KIF26B: variants seen among roughly 807,000 people sequenced by gnomAD.
KIF26B encodes the protein kinesin family member 26B.
A neutral mutation model predicts 151.2 loss-of-function variants in KIF26B; 63 were observed. The observed-to-expected ratio is 0.42, with a 90% CI of 0.34 to 0.51. The LOEUF (loss-of-function observed/expected upper bound fraction) is 0.51, where lower values mean the gene tolerates loss of function less well. Among genes scored for constraint, KIF26B ranks in the 20% least tolerant of loss-of-function variants. The probability of loss-of-function intolerance (pLI) is 0.07; values close to 1 mark genes in which losing one functional copy is unlikely to be tolerated. For synonymous variants in KIF26B, 1,357 were observed against 1,262.1 expected, an observed-to-expected ratio of 1.08 and a Z score of -1.59; for missense variants, 2,813 against 2,913.6, an observed-to-expected ratio of 0.97 and a Z score of 0.79.
At position 245,430,313 on chromosome 1, in the gene KIF26B, TA is replaced by T. The variant is rs547658074; in HGVS notation, c.1166+10570del. ...CTGGTCTACACTTCTACCACCACCC[TA>T]ATACAGTACCGCTATAATATGTTTC... On this transcript the variant is annotated intron_variant, in intron 4 of 14. Transcript: ENST00000407071. 5.9e-5 allele frequency among the ~76,000 whole-genome samples: 9 copies of T among 152,096 alleles called. No individual in the cohort carries two copies. In the East Asian group the frequency reaches 1.7e-3, roughly 29 times the overall value.
chr1:245,458,234 T>C (rs1659581010), intron 4 of KIF26B, among the ~76,000 whole-genome samples: 1 of 152,154 alleles, frequency 6.6e-6, no homozygotes, highest in Non-Finnish European at 1.5e-5. Flanking sequence ...TCTCAAGCCC[T>C]CTCTCTTAAC....
In KIF26B at chr1:245,702,480, GCTGGATTCCCTGGAGTAC is replaced by G. The variant is rs755447377; in HGVS notation, c.6207_6224del (p.Asp2069_Leu2074del). 5.0e-6 allele frequency: 8 copies of G among 1,613,982 alleles called. No homozygotes were observed. The South Asian group carries it at 6.6e-5, about 13-fold the overall frequency. On this transcript the variant is annotated inframe_deletion, in exon 15 of 15. Coordinates refer to ENST00000407071, the MANE Select transcript of KIF26B (RefSeq NM_018012.4). The surrounding 1 kb of genome is among the most constrained non-coding windows in gnomAD (Gnocchi z 4.1). ...CAGTTGACTTGGAGCAGGTTTGGGA[GCTGGATTCCCTGGAGTAC>G]CTGGAGGCACTGGAGTGTGTGACGG...
intron 2 of KIF26B, among the ~76,000 whole-genome samples, chr1:245,259,641 G>A (rs926176156): frequency 6.6e-6 from 1 of 151,984 alleles, no homozygotes; most frequent in African/African-American, 2.4e-5. Context: ...TAATGGACAG[G>A]GTGAGCTTGG....
chr1:245,555,253 G>A (rs1661990968), intron 5 of KIF26B, among the ~76,000 whole-genome samples: 1 of 152,012 alleles, frequency 6.6e-6, no homozygotes, highest in Admixed American at 6.6e-5. Flanking sequence ...ATAAAGAAGG[G>A]AATTCTTTTC....
intron 2 of KIF26B, among the ~76,000 whole-genome samples, chr1:245,223,621 T>C (rs1669816241): frequency 6.6e-6 from 1 of 152,204 alleles, no homozygotes. Context: ...TGCATATAAA[T>C]GGAATAACAA....
chr1:245,499,311 C>A (rs1660573014), intron 4 of KIF26B, among the ~76,000 whole-genome samples: 1 of 151,974 alleles, frequency 6.6e-6, no homozygotes. Context: ...CTAGGATTAA[C>A]CTAGGTTAAT....
rs141116342 is a variant in KIF26B at position 245,377,076 on chromosome 1, G to C, written c.999+9709G>C. On this transcript the variant is annotated intron_variant, in intron 3 of 14. Coordinates refer to ENST00000407071, the MANE Select transcript of KIF26B (RefSeq NM_018012.4). ...ATTACAGGCACGCATCACCACGCCT[G>C]GCTAATTTTTGTACTTTTAGTAGAG... Among the ~76,000 whole-genome samples the C allele has an allele frequency of 7.4e-5, 11 of 149,176 alleles. No homozygotes were observed. In the East Asian group the frequency reaches 2.2e-3, roughly 29 times the overall value.
intron 2 of KIF26B, among the ~76,000 whole-genome samples, chr1:245,314,398 G>A: frequency 6.6e-6 from 1 of 152,162 alleles, no homozygotes; most frequent in African/African-American, 2.4e-5. Context: ...GTTGCAGTGA[G>A]TCGAGATCGT....
At chr1:245,503,455 A>G (rs1367084806) in intron 4 of KIF26B, among the ~76,000 whole-genome samples, 2 of 152,200 alleles carry the variant, frequency 1.3e-5, no homozygotes, top group African/African-American at 2.4e-5. Context: ...CCTTTGTTCC[A>G]TACAGATCTA....
At position 245,350,366 on chromosome 1, in the gene KIF26B, T is replaced by G. The variant is rs547027229; in HGVS notation, c.466-16468T>G. ...AAGGACTCACCAAGCGGCAGGTCCT[T>G]ATGTAGCTCCACAGACCACCATGAA... On this transcript the variant is annotated intron_variant, in intron 2 of 14. Coordinates refer to ENST00000407071, the MANE Select transcript of KIF26B (RefSeq NM_018012.4). 2.0e-5 allele frequency among the ~76,000 whole-genome samples: 3 copies of G among 152,310 alleles called. 1 individual carries two copies. The highest frequency in any genetic ancestry group is 2.0e-4 in the Admixed American group (3 of 15,298).
intron 4 of KIF26B, among the ~76,000 whole-genome samples, chr1:245,537,847 A>G (rs1661520282): frequency 1.3e-5 from 2 of 152,234 alleles, no homozygotes. Flanking sequence ...ATACATAAAT[A>G]AGGATTTCCA....
intron 3 of KIF26B, among the ~76,000 whole-genome samples, chr1:245,394,722 C>T (rs76691465): frequency 2.6e-5 from 3 of 116,094 alleles, no homozygotes; most frequent in African/African-American, 7.9e-5. Context: ...TGGAGTTTCA[C>T]TCTTGTTGCC....
intron 2 of KIF26B, among the ~76,000 whole-genome samples, chr1:245,278,667 C>T (rs1235462947): frequency 6.6e-6 from 1 of 152,138 alleles, no homozygotes; most frequent in Non-Finnish European, 1.5e-5. Flanking sequence ...CTACTCCTAC[C>T]CTCACACGTT....
intron 4 of KIF26B, among the ~76,000 whole-genome samples, chr1:245,527,322 C>CATTCCATGAGGAATGGA (rs1661257578): frequency 6.6e-6 from 1 of 152,122 alleles, no homozygotes; most frequent in Non-Finnish European, 1.5e-5. Flanking sequence ...CAGGCACTGA[C>CATTCCATGAGGAATGGA]ATTCCATGAG....
chr1:245,349,021 A>G (rs151273244), intron 2 of KIF26B, among the ~76,000 whole-genome samples: 8 of 152,302 alleles, frequency 5.3e-5, no homozygotes, highest in African/African-American at 1.9e-4. Flanking sequence ...CATAGGTCAC[A>G]TGTGACGTGA....
chr1:245,685,461 G>C lies in KIF26B; in HGVS notation c.2478G>C (p.Arg826Ser). Residue 826 changes from arginine (R) to serine (S), a missense_variant, in exon 12 of 15, where the codon AGG becomes AGC. Around this residue, in one of 3 missense-constraint regions of KIF26B, gnomAD observed 2,060 missense variants for 2,088.6 expected, o/e 0.99. Coordinates refer to ENST00000407071, the MANE Select transcript of KIF26B (RefSeq NM_018012.4). Reference sequence around the variant, plus strand: ...CCTGCGAAGAAGGCCGCATGCGCAGGCCCACCCAGCTGAGACCCTTCCACA... The same window carrying C: ...CCTGCGAAGAAGGCCGCATGCGCAGCCCCACCCAGCTGAGACCCTTCCACA... The part of the protein sequence containing the change: ...ESSCEEGRMR[R>S]PTQLRPFHTR... The C allele has an allele frequency of 6.2e-7, 1 of 1,613,762 alleles. No individual in the cohort carries two copies. Among genetic ancestry groups the C allele is most frequent in the East Asian group, 2.2e-5 (1 of 44,880 alleles).
rs1278569434 is a variant in KIF26B, at chr1:245,685,466, C to T, written c.2483C>T (p.Thr828Ile). The T allele has an allele frequency of 6.2e-7, 1 of 1,613,758 alleles. No individual in the cohort carries two copies. Residue 828 changes from threonine (T) to isoleucine (I), a missense_variant, in exon 12 of 15, where the codon ACC becomes ATC. Transcript: ENST00000407071. ...GAAGAAGGCCGCATGCGCAGGCCCA[C>T]CCAGCTGAGACCCTTCCACACCAGG... ...SCEEGRMRRP[T>I]QLRPFHTRAT...
At chr1:245,338,895 T>C (rs187506522) in intron 2 of KIF26B, among the ~76,000 whole-genome samples, 36 of 152,108 alleles carry the variant, frequency 2.4e-4, no homozygotes, top group African/African-American at 6.5e-4. Context: ...CCAGACTACA[T>C]AGGGTCTTGT....
intron 5 of KIF26B, among the ~76,000 whole-genome samples, chr1:245,582,977 G>A (rs577082240): frequency 1.4e-4 from 21 of 152,170 alleles, no homozygotes; most frequent in Non-Finnish European, 2.6e-4. Context: ...TCTCTCAGAG[G>A]TGGCAGCGGC....
Sources: gnomAD v4.1 joint callset for allele counts (sites outside exome capture counted in the v4.1 genomes callset) on GRCh38, gnomAD v4.1.1 for gene constraint, gnomAD v4.1.1 regional missense constraint, Gnocchi (gnomAD v3.1) non-coding constraint, MANE v1.5 for transcripts, NCBI Gene and HGNC (gene_info 2026-07-23, HGNC 2026-07-21) for gene names.